PLXNA4: variants seen among roughly 807,000 people sequenced by gnomAD.
PLXNA4 encodes plexin A4.
Under a neutral mutation model 191.8 loss-of-function variants are expected in PLXNA4, and 44 were observed. That is an observed-to-expected ratio of 0.23 (90% CI 0.18 to 0.29). The LOEUF is 0.29. PLXNA4 is among the 10% of genes least tolerant of loss of function. PLXNA4 has a pLI of 1.00. For missense variants in PLXNA4, 1,800 were observed against 2,488.8 expected, an observed-to-expected ratio of 0.72 and a Z score of 5.89; for synonymous variants, 1,082 against 1,009.5, an observed-to-expected ratio of 1.07 and a Z score of -1.36.
intron 3 of PLXNA4, among the ~76,000 whole-genome samples, chr7:132,475,471 C>T (rs569582043): frequency 1.3e-5 from 2 of 152,234 alleles, no homozygotes; most frequent in Admixed American, 6.5e-5. Flanking sequence ...CCGGTATCTA[C>T]CCTTGATGCC....
intron 3 of PLXNA4, chr7:132,385,351 A>C: frequency 1.3e-6 from 2 of 1,538,516 alleles, no homozygotes; most frequent in Non-Finnish European, 1.7e-6. Flanking sequence ...ATATGCCCAT[A>C]AGCCTCCTTA....
chr7:132,215,604 C>G (rs1009160479), intron 9 of PLXNA4, among the ~76,000 whole-genome samples: 1 of 152,120 alleles, frequency 6.6e-6, no homozygotes, highest in African/African-American at 2.4e-5. Flanking sequence ...GCCAGAGGAT[C>G]CACACATGTA....
intron 4 of PLXNA4, among the ~76,000 whole-genome samples, chr7:132,245,327 G>C (rs1799012704): frequency 6.6e-6 from 1 of 152,184 alleles, no homozygotes; most frequent in Non-Finnish European, 1.5e-5. Flanking sequence ...CCAGACTCTA[G>C]CAAAGGTGTT....
At chr7:132,192,402 G>A (rs1797119825) in intron 14 of PLXNA4, among the ~76,000 whole-genome samples, 1 of 146,816 alleles carries the variant, frequency 6.8e-6, no homozygotes. Context: ...GAAGGAAGAA[G>A]GAGGAGGAGG....
intron 29 of PLXNA4, among the ~76,000 whole-genome samples, chr7:132,143,737 A>G (rs1235497911): frequency 1.3e-5 from 2 of 152,216 alleles, no homozygotes; most frequent in African/African-American, 4.8e-5. Flanking sequence ...CAGACCCAGC[A>G]CAGCTTTAAA....
chr7:132,149,271 C>T (rs1466837402), intron 25 of PLXNA4, among the ~76,000 whole-genome samples: 1 of 152,192 alleles, frequency 6.6e-6, no homozygotes, highest in East Asian at 1.9e-4. Flanking sequence ...ATCTATCCAA[C>T]ACCTAATTGT....
At position 132,123,383 on chromosome 7, in the gene PLXNA4, A is replaced by ATAAGTTT. The variant is rs1262047751; in HGVS notation, c.*7089_*7095dup. 1 of 152,028 alleles carries ATAAGTTT rather than the reference A, an allele frequency of 6.6e-6. No homozygotes were observed. Among genetic ancestry groups the ATAAGTTT allele is most frequent in the African/African-American group, 2.4e-5 (1 of 41,436 alleles). 9.4% of individuals were successfully genotyped at this position (152,028 alleles called of 1,614,324 possible). A position where few individuals can be genotyped will look rare whatever the true frequency, so the allele number is the denominator to read the frequency against. On this transcript the variant is annotated 3_prime_UTR_variant, in exon 32 of 32. Coordinates refer to ENST00000321063, the MANE Select transcript of PLXNA4 (RefSeq NM_020911.2). The stretch of plus-strand genomic sequence containing the variant: ...TAATAAACTTTATTCTATATTACAA[A>ATAAGTTT]TAAGTTTTTTTTGTTCTGAACTGCA...
intron 3 of PLXNA4, among the ~76,000 whole-genome samples, chr7:132,366,995 C>T (rs1326587930): frequency 6.6e-6 from 1 of 152,132 alleles, no homozygotes; most frequent in East Asian, 1.9e-4. Context: ...GTCTCAAACT[C>T]CTGTGGCTTA....
chr7:132,248,959 T>G (rs113837504), intron 4 of PLXNA4, among the ~76,000 whole-genome samples: 1,641 of 152,326 alleles, frequency 0.011, 32 homozygotes, highest in African/African-American at 0.037. Context: ...CTAATCCAGC[T>G]GGGCCTCACT....
chr7:132,460,399 T>A (rs1481118964), intron 3 of PLXNA4, among the ~76,000 whole-genome samples: 1 of 151,906 alleles, frequency 6.6e-6, no homozygotes, highest in Non-Finnish European at 1.5e-5. Context: ...CAAATTGTAA[T>A]TTCTCTAAAT....
chr7:132,480,639 G>T (rs777488747), intron 3 of PLXNA4, among the ~76,000 whole-genome samples: 7 of 151,998 alleles, frequency 4.6e-5, no homozygotes, highest in Non-Finnish European at 8.8e-5. Context: ...GGACAATTCC[G>T]GTGAGAAACC....
chr7:132,342,380 T>C (rs1803063845), intron 3 of PLXNA4, among the ~76,000 whole-genome samples: 1 of 151,892 alleles, frequency 6.6e-6, no homozygotes, highest in Admixed American at 6.6e-5. Flanking sequence ...TACAAACAGA[T>C]TCATCTTGGC....
Position 132,334,252 on chromosome 7 carries a change from CTTTTT to C in PLXNA4, c.1372-36035_1372-36031del, listed in dbSNP as rs71529758. 1.6e-3 allele frequency among the ~76,000 whole-genome samples: 123 copies of C among 75,600 alleles called. 1 individual carries two copies. In the South Asian group the frequency reaches 0.021, roughly 13 times the overall value. 49.6% of individuals were successfully genotyped at this position (75,600 alleles called of 152,430 possible). A position where few individuals can be genotyped will look rare whatever the true frequency, so the allele number is the denominator to read the frequency against. ...TTTCTTTTCTTTTCTTTCTTTCTTTCTTTTTTTTTTTTTTTTTTTTTTTGAGATAG... is the reference window on the plus strand; with the variant it reads ...TTTCTTTTCTTTTCTTTCTTTCTTTCTTTTTTTTTTTTTTTTTTGAGATAG... On this transcript the variant is annotated intron_variant, in intron 3 of 31. Coordinates refer to ENST00000321063, the MANE Select transcript of PLXNA4 (RefSeq NM_020911.2).
intron 4 of PLXNA4, among the ~76,000 whole-genome samples, chr7:132,242,151 AT>A (rs397890019): frequency 0.025 from 3,648 of 148,038 alleles, 38 homozygotes; most frequent in African/African-American, 0.035. Context: ...TACAAAAAGT[AT>A]TTTTTTTTTT....
chr7:132,534,806 T>C (rs968966658), intron 1 of PLXNA4, among the ~76,000 whole-genome samples: 5 of 152,222 alleles, frequency 3.3e-5, no homozygotes, highest in Admixed American at 2.6e-4. Flanking sequence ...TTGAGGGGCA[T>C]GGATCTTACA....
chr7:132,402,956 C>T (rs73726036), intron 3 of PLXNA4, among the ~76,000 whole-genome samples: 3,686 of 152,326 alleles, frequency 0.024, 127 homozygotes, highest in African/African-American at 0.083. Flanking sequence ...ACTCAGCTGA[C>T]GCACCGCCAC....
At chr7:132,283,256 G>T (rs913795228) in intron 4 of PLXNA4, among the ~76,000 whole-genome samples, 3 of 152,216 alleles carry the variant, frequency 2.0e-5, no homozygotes, top group Non-Finnish European at 2.9e-5. Context: ...CTGAGAAGAT[G>T]CAAAGTGATA....
At chr7:132,194,247 A>T (rs1282051746) in intron 13 of PLXNA4, 68 bp from the exon 14 acceptor site, 7 of 1,537,140 alleles carry the variant, frequency 4.6e-6, no homozygotes, top group Non-Finnish European at 4.4e-6. Flanking sequence ...ACCCCACAGC[A>T]CCTACCCAGG....
intron 15 of PLXNA4, among the ~76,000 whole-genome samples, chr7:132,186,881 C>G (rs1225474619): frequency 1.3e-5 from 2 of 152,142 alleles, no homozygotes; most frequent in African/African-American, 4.8e-5. Flanking sequence ...AACAAATTCG[C>G]CACAAGATCA....
Sources: allele counts gnomAD v4.1 joint callset (sites outside exome capture counted in the v4.1 genomes callset), GRCh38; gene constraint gnomAD v4.1.1; transcripts MANE v1.5; gene names NCBI Gene and HGNC (gene_info 2026-07-23, HGNC 2026-07-21).